The following CRTAC1 variants were observed in gnomAD, a reference collection of about 807,000 sequenced individuals.
CRTAC1 encodes cartilage acidic protein 1, also known as acidic secreted protein in cartilage.
CRTAC1 carries 37 observed loss-of-function variants against 67.8 expected under a neutral mutation model. The observed-to-expected ratio is 0.55, with a 90% CI of 0.42 to 0.72. The LOEUF is 0.72. CRTAC1 is among the 30% of genes least tolerant of loss of function. The pLI, the probability that CRTAC1 is intolerant of heterozygous loss-of-function variation, is 0.00. For synonymous variants in CRTAC1, 348 were observed against 371.0 expected (o/e 0.94, Z 0.71); for missense variants, 780 against 931.6 (o/e 0.84, Z 2.12).
At chr10:97,891,683 C>T (rs1564880699) in intron 11 of CRTAC1, among the ~76,000 whole-genome samples, 2 of 152,210 alleles carry the variant, frequency 1.3e-5, no homozygotes, top group African/African-American at 2.4e-5. Flanking sequence ...TTCTGTCGCC[C>T]CCTGTTCTCG....
At chr10:98,014,320 G>A (rs767779317) in intron 1 of CRTAC1, among the ~76,000 whole-genome samples, 2 of 152,132 alleles carry the variant, frequency 1.3e-5, no homozygotes, top group Non-Finnish European at 2.9e-5. Context: ...ATTCCAATGC[G>A]TGTTAAAATT....
intron 3 of CRTAC1, among the ~76,000 whole-genome samples, chr10:97,935,437 C>A (rs474558): frequency 0.2 from 30,032 of 152,088 alleles, 3,095 homozygotes; most frequent in East Asian, 0.24. Context: ...AAAGTGTGGT[C>A]CCTGACCCAG....
chr10:98,002,532 C>A (rs1239160050), intron 2 of CRTAC1, among the ~76,000 whole-genome samples: 4 of 152,086 alleles, frequency 2.6e-5, no homozygotes, highest in Middle Eastern at 3.4e-3. Flanking sequence ...GACCCCCCAA[C>A]CTCCAGGAAT....
intron 1 of CRTAC1, among the ~76,000 whole-genome samples, chr10:98,027,506 G>A (rs765743246): frequency 2.0e-5 from 3 of 152,048 alleles, no homozygotes; most frequent in Non-Finnish European, 2.9e-5. Flanking sequence ...ATTCCTTGGC[G>A]CTCCAGACCT....
intron 14 of CRTAC1, chr10:97,878,540 A>G: frequency 8.5e-7 from 1 of 1,171,488 alleles, no homozygotes; most frequent in Non-Finnish European, 1.1e-6. Context: ...TTCCCCATGA[A>G]GAATAGATCT....
intron 1 of CRTAC1, among the ~76,000 whole-genome samples, chr10:98,019,074 G>C (rs114128941): frequency 0.013 from 1,982 of 152,248 alleles, 54 homozygotes; most frequent in African/African-American, 0.045. Flanking sequence ...GTTAGCTGGG[G>C]GGGGAGCTGG....
intron 1 of CRTAC1, among the ~76,000 whole-genome samples, chr10:98,027,000 T>TA (rs1462483960): frequency 2.6e-5 from 4 of 152,058 alleles, no homozygotes; most frequent in African/African-American, 9.7e-5. Flanking sequence ...ACCCCGTCTC[T>TA]ACTAAAAATA....
chr10:97,985,874 A>G (rs979699603), intron 2 of CRTAC1, among the ~76,000 whole-genome samples: 7 of 152,184 alleles, frequency 4.6e-5, no homozygotes, highest in African/African-American at 1.4e-4. Context: ...CACTTTGTGA[A>G]CTGCCAAGAG....
chr10:97,908,303 C>A (rs1490715893), intron 5 of CRTAC1, among the ~76,000 whole-genome samples, 156 bp from the exon 6 acceptor site: 1 of 152,130 alleles, frequency 6.6e-6, no homozygotes, highest in Non-Finnish European at 1.5e-5. Context: ...GAGCCTAAAT[C>A]TGGGCTCATG....
intron 2 of CRTAC1, among the ~76,000 whole-genome samples, chr10:97,972,183 A>G (rs2051726070): frequency 6.6e-6 from 1 of 152,206 alleles, no homozygotes; most frequent in Non-Finnish European, 1.5e-5. Flanking sequence ...CAGAACAGAA[A>G]ACAAGTTCAA....
intron 2 of CRTAC1, among the ~76,000 whole-genome samples, chr10:97,995,695 C>T (rs1842550897): frequency 6.6e-6 from 1 of 152,108 alleles, no homozygotes; most frequent in Non-Finnish European, 1.5e-5. Flanking sequence ...ATGGTAAATA[C>T]ATGGAAATGA....
chr10:97,941,050 C>T (rs898187923), intron 2 of CRTAC1, among the ~76,000 whole-genome samples: 1 of 152,182 alleles, frequency 6.6e-6, no homozygotes, highest in Non-Finnish European at 1.5e-5. Context: ...TTTGCCCCAC[C>T]CCCATCCACC....
intron 11 of CRTAC1, among the ~76,000 whole-genome samples, chr10:97,894,835 C>T (rs11189423): frequency 0.19 from 26,946 of 144,544 alleles, 2,527 homozygotes; most frequent in Non-Finnish European, 0.2. Context: ...ACTTCACTCC[C>T]GTTGAGAACG....
intron 2 of CRTAC1, among the ~76,000 whole-genome samples, chr10:97,953,053 C>T (rs953427016): frequency 6.6e-6 from 1 of 152,144 alleles, no homozygotes; most frequent in Non-Finnish European, 1.5e-5. Context: ...GCATCTTGCT[C>T]AGGGCAGACA....
chr10:97,935,230 G>A (rs2051068248), intron 3 of CRTAC1, among the ~76,000 whole-genome samples: 1 of 152,170 alleles, frequency 6.6e-6, no homozygotes, highest in South Asian at 2.1e-4. Flanking sequence ...TTCCTCAATT[G>A]TACAGTGGCA....
chr10:97,889,430 T>A lies in CRTAC1; in HGVS notation c.1487-5079A>T, dbSNP rs530884175. 3.9e-5 allele frequency among the ~76,000 whole-genome samples: 5 copies of A among 128,360 alleles called. No individual in the cohort carries two copies. In the South Asian group the frequency reaches 1.3e-3, roughly 34 times the overall value. The allele number at this position is 128,360 out of a possible 152,430, so 84.2% of individuals were successfully genotyped here. A position where few individuals can be genotyped will look rare whatever the true frequency, so the allele number is the denominator to read the frequency against. ...GAGGAGCAGCAGGGACAGGCCAGGGTGAAGAGGGGCTGTGGAACTTGGTGG... is the reference window on the plus strand; with the variant it reads ...GAGGAGCAGCAGGGACAGGCCAGGGAGAAGAGGGGCTGTGGAACTTGGTGG... On this transcript the variant is annotated intron_variant, in intron 11 of 14. Transcript: ENST00000370597.
intron 1 of CRTAC1, among the ~76,000 whole-genome samples, chr10:98,017,773 A>G (rs559911783): frequency 2.0e-5 from 3 of 151,690 alleles, no homozygotes; most frequent in Admixed American, 6.6e-5. Context: ...CCTGGGCCCA[A>G]GCAATTCTCC....
intron 14 of CRTAC1, among the ~76,000 whole-genome samples, chr10:97,875,311 G>T (rs2136532192): frequency 1.3e-5 from 2 of 152,332 alleles, no homozygotes; most frequent in South Asian, 4.1e-4. Flanking sequence ...TGGATGTAAA[G>T]TTCTTGGCAT....
intron 1 of CRTAC1, among the ~76,000 whole-genome samples, chr10:98,021,848 G>A (rs748357279): frequency 6.6e-6 from 1 of 152,152 alleles, no homozygotes; most frequent in Non-Finnish European, 1.5e-5. Flanking sequence ...TTTGTCTAGG[G>A]GACCCTGATG....
Sources: allele counts gnomAD v4.1 joint callset (sites outside exome capture counted in the v4.1 genomes callset), GRCh38; gene constraint gnomAD v4.1.1; transcripts MANE v1.5; gene names NCBI Gene and HGNC (gene_info 2026-07-23, HGNC 2026-07-21).